P2RX5: variants seen among roughly 807,000 people sequenced by gnomAD.
The protein encoded by P2RX5 is purinergic receptor P2X 5.
In P2RX5, 46 loss-of-function variants were observed where a neutral mutation model predicts 54.1. That is an observed-to-expected ratio of 0.85 (90% CI 0.67 to 1.09). The LOEUF (loss-of-function observed/expected upper bound fraction) is 1.09. P2RX5 is among the 50% of genes least tolerant of loss of function. The pLI, the probability that P2RX5 is intolerant of heterozygous loss-of-function variation, is 0.00. For synonymous variants in P2RX5, 226 were observed against 226.4 expected (o/e 1.00, Z 0.02); for missense variants, 566 against 549.8 (o/e 1.03, Z -0.29).
chr17:3,717,072 A>C, the P2RX5 span: 1 of 349,560 alleles, frequency 2.9e-6, no homozygotes, highest in Non-Finnish European at 5.3e-6. Flanking sequence ...TCTGTTAAAG[A>C]TGCTCTGACA....
intron 9 of P2RX5, among the ~76,000 whole-genome samples, chr17:3,683,432 C>T (rs990099106): frequency 6.6e-6 from 1 of 152,236 alleles, no homozygotes; most frequent in African/African-American, 2.4e-5. Flanking sequence ...TTACCCACAT[C>T]ACAAGAAAGT....
intron 10 of P2RX5, among the ~76,000 whole-genome samples, 161 bp downstream of exon 10, chr17:3,681,735 C>G (rs542935000): frequency 6.6e-6 from 1 of 152,204 alleles, no homozygotes; most frequent in African/African-American, 2.4e-5. Flanking sequence ...GAGGCCGAAT[C>G]CGGTTCTGTA....
the P2RX5 span, among the ~76,000 whole-genome samples, chr17:3,702,967 G>A: frequency 6.6e-6 from 1 of 152,122 alleles, no homozygotes. Flanking sequence ...TAAAATCCTG[G>A]TGGACTCCCA....
the P2RX5 span, chr17:3,720,438 A>G: frequency 1.0e-6 from 1 of 959,640 alleles, no homozygotes; most frequent in African/African-American, 1.6e-5. Flanking sequence ...GAAACAAAAC[A>G]TATTTTAGAC....
chr17:3,695,692 C>T (rs1014432287), intron 1 of P2RX5, among the ~76,000 whole-genome samples, 177 bp downstream of exon 1: 4 of 152,134 alleles, frequency 2.6e-5, no homozygotes, highest in Non-Finnish European at 4.4e-5. Context: ...CTCTCTACAC[C>T]CTACTCCTAC....
chr17:3,698,149 C>G (rs2050792148), upstream of P2RX5, among the ~76,000 whole-genome samples: 1 of 152,074 alleles, frequency 6.6e-6, no homozygotes. Flanking sequence ...CAGCCTCCTC[C>G]TCAGCCCCCT....
At chr17:3,689,933 C>T (rs1465690584) in intron 6 of P2RX5, 137 bp downstream of exon 6, 3 of 882,182 alleles carry the variant, frequency 3.4e-6, no homozygotes, top group African/African-American at 1.6e-5. Flanking sequence ...CGCGCACACA[C>T]GCACACACGC....
intron 9 of P2RX5, among the ~76,000 whole-genome samples, chr17:3,684,351 C>T (rs570758937): frequency 2.0e-5 from 3 of 152,376 alleles, no homozygotes; most frequent in Admixed American, 2.0e-4. Context: ...CGCCCATAAT[C>T]CCAGCACTTG....
Position 3,673,417 on chromosome 17 carries a change from C to CT in P2RX5, c.*450dup. ...ACTTGGATCCACTGGAGAGTATGCT[C>CT]TGAGGGAAGCTGCGGCACTTGCAGA... is the stretch of plus-strand genomic sequence containing the variant. On this transcript the variant is annotated 3_prime_UTR_variant, in exon 12 of 12. Coordinates refer to ENST00000225328, the MANE Select transcript of P2RX5 (RefSeq NM_002561.4). 9.3e-7 allele frequency: 1 copy of CT among 1,076,328 alleles called. No homozygotes were observed. Among genetic ancestry groups the CT allele is most frequent in the Non-Finnish European group, 1.1e-6 (1 of 883,844 alleles). 66.7% of individuals were successfully genotyped at this position (1,076,328 alleles called of 1,614,324 possible). A position where few individuals can be genotyped will look rare whatever the true frequency, so the allele number is the denominator to read the frequency against.
chr17:3,697,744 C>T (rs559535580), upstream of P2RX5, among the ~76,000 whole-genome samples: 1 of 152,292 alleles, frequency 6.6e-6, no homozygotes, highest in South Asian at 2.1e-4. Context: ...TGGATCTTTG[C>T]ATCTTTTCAT....
At chr17:3,722,738 C>T in the P2RX5 span, among the ~76,000 whole-genome samples, 1 of 152,140 alleles carries the variant, frequency 6.6e-6, no homozygotes, top group African/African-American at 2.4e-5. Flanking sequence ...TACTGCCTTG[C>T]TCTGGCCATG....
In P2RX5 at chr17:3,696,045, G is replaced by A. The variant is rs761683632; in HGVS notation, c.-40C>T. 1.9e-6 allele frequency: 3 copies of A among 1,609,762 alleles called. No homozygotes were observed. Among genetic ancestry groups the A allele is most frequent in the Non-Finnish European group, 2.5e-6 (3 of 1,177,890 alleles). ...CGGGCTTGCGGACCGCCCGGCCCAC[G>A]TGCGCTCATGGGGAGCACTCGGTCC... On this transcript the variant is annotated 5_prime_UTR_variant, in exon 1 of 12. In the 5' UTR this introduces an upstream ATG that the reference lacks. Coordinates refer to ENST00000225328, the MANE Select transcript of P2RX5 (RefSeq NM_002561.4).
chr17:3,708,869 A>C, the P2RX5 span, among the ~76,000 whole-genome samples: 1 of 110,478 alleles, frequency 9.1e-6, no homozygotes, highest in Non-Finnish European at 1.9e-5. Context: ...TATTTATGCA[A>C]CCCCCCTCAA....
chr17:3,690,338 C>G, intron 5 of P2RX5, 89 bp downstream of exon 5: 2 of 1,199,886 alleles, frequency 1.7e-6, no homozygotes, highest in Admixed American at 1.9e-5. Flanking sequence ...GCGTGAGGCT[C>G]CCAGAGTGGG....
chr17:3,697,625 A>G (rs1349360097), upstream of P2RX5, among the ~76,000 whole-genome samples: 1 of 152,214 alleles, frequency 6.6e-6, no homozygotes, highest in Admixed American at 6.5e-5. Flanking sequence ...AATCATGTGG[A>G]AGAAAAAAAG....
rs377475981 is a variant in P2RX5, at chr17:3,678,188, G to A, written c.1259+1402C>T. 67 of 816,110 alleles carry A rather than the reference G, an allele frequency of 8.2e-5. No homozygotes were observed. The South Asian group carries it at 1.0e-3, about 12-fold the overall frequency. The allele number at this position is 816,110 out of a possible 1,614,324, so 50.6% of individuals were successfully genotyped here. A position where few individuals can be genotyped will look rare whatever the true frequency, so the allele number is the denominator to read the frequency against. ...AGGGCAGAGAGGACTGTCGGGAGCC[G>A]GTGGGTGGGCCAGCCTCACCAGAGG... On this transcript the variant is annotated intron_variant, in intron 11 of 11. Coordinates refer to ENST00000225328, the MANE Select transcript of P2RX5 (RefSeq NM_002561.4).
chr17:3,714,692 AC>A, the P2RX5 span: 56 of 517,524 alleles, frequency 1.1e-4, 1 homozygote, highest in South Asian at 1.5e-3. Flanking sequence ...TGCACAATGC[AC>A]AGACACTTTT....
chr17:3,712,243 TATC>T, the P2RX5 span, among the ~76,000 whole-genome samples: 1 of 152,098 alleles, frequency 6.6e-6, no homozygotes. Context: ...CAGAGAACAA[TATC>T]ATCAAGTGAC....
the P2RX5 span, chr17:3,722,446 A>T: frequency 6.6e-6 from 1 of 150,786 alleles, no homozygotes; most frequent in South Asian, 2.1e-4. Flanking sequence ...GTGCCACTGC[A>T]CTCCAGCCCG....
Sources: allele counts gnomAD v4.1 joint callset (sites outside exome capture counted in the v4.1 genomes callset), GRCh38; gene constraint gnomAD v4.1.1; transcripts MANE v1.5; gene names NCBI Gene and HGNC (gene_info 2026-07-23, HGNC 2026-07-21).